Variants in GLI4 observed in about 807,000 individuals in gnomAD.
The protein encoded by GLI4 is zinc finger protein GLI4.
GLI4 carries 34 observed loss-of-function variants against 30.9 expected under a neutral mutation model. That is an observed-to-expected ratio of 1.10 (90% CI 0.84 to 1.47). The LOEUF (loss-of-function observed/expected upper bound fraction) is 1.47. Ranked by LOEUF, GLI4 falls within the 40% of genes most tolerant of loss-of-function variation. The pLI is 0.00. For synonymous variants in GLI4, 277 were observed against 236.7 expected, an observed-to-expected ratio of 1.17 and a Z score of -1.56; for missense variants, 696 against 538.9, an observed-to-expected ratio of 1.29 and a Z score of -2.89.
At chr8:143,269,589 C>G in intron 2 of GLI4, 69 bp downstream of exon 2, 1 of 1,324,234 alleles carries the variant, frequency 7.6e-7, no homozygotes, top group Non-Finnish European at 1.1e-6. Context: ...GCCCTGTCTC[C>G]TCCTGACCTG....
chr8:143,267,910 A>G (rs1186492678), intron 1 of GLI4: 4 of 985,254 alleles, frequency 4.1e-6, no homozygotes, highest in Non-Finnish European at 4.8e-6. Context: ...GGGGCTGGGA[A>G]CAGAGGGGCA....
intron 2 of GLI4, among the ~76,000 whole-genome samples, chr8:143,273,855 GGC>G (rs1815324196): frequency 8.7e-4 from 10 of 11,470 alleles, no homozygotes; most frequent in Non-Finnish European, 2.0e-3. Context: ...GCACCAGGGT[GGC>G]ACAGCACTGA....
At chr8:143,267,651 G>A (rs911369183) in intron 1 of GLI4, 167 bp downstream of exon 1, 10 of 985,300 alleles carry the variant, frequency 1.0e-5, no homozygotes, top group Non-Finnish European at 1.2e-5. Context: ...GAGCGGGGTG[G>A]GCTCCTGGGG....
chr8:143,276,618 C>T lies in GLI4; in HGVS notation c.945C>T (p.Arg315=). ...GCTCCGTGCTCATCGAGCACCAGCG[C>T]ATCCACACTGGCGAGAAGCCCTACG... ...IWSSVLIEHQ[R]IHTGEKPYEC... Residue 315 remains arginine (R), a synonymous_variant, in exon 4 of 4, where the codon CGC becomes CGT. Transcript: ENST00000340042. 3.1e-6 allele frequency: 5 copies of T among 1,612,580 alleles called. No individual in the cohort carries two copies. Among genetic ancestry groups the T allele is most frequent in the Non-Finnish European group, 4.2e-6 (5 of 1,179,690 alleles).
intron 1 of GLI4, 118 bp downstream of exon 1, chr8:143,267,602 C>T (rs914901801): frequency 2.8e-5 from 28 of 985,296 alleles, no homozygotes; most frequent in Non-Finnish European, 3.3e-5. Context: ...CCCTTGCAGC[C>T]GCCGCTCGCC....
At chr8:143,267,715 T>A in intron 1 of GLI4, 1 of 985,268 alleles carries the variant, frequency 1.0e-6, no homozygotes, top group Non-Finnish European at 1.2e-6. Context: ...ATAGCGGGTG[T>A]CCGTTCGCAG....
At chr8:143,269,964 C>T (rs1815229299) in intron 2 of GLI4, among the ~76,000 whole-genome samples, 1 of 152,246 alleles carries the variant, frequency 6.6e-6, no homozygotes, top group Non-Finnish European at 1.5e-5. Flanking sequence ...TGCTCCACCC[C>T]TGATGTTGTG....
intron 2 of GLI4, among the ~76,000 whole-genome samples, chr8:143,272,205 G>A (rs1337894286): frequency 6.6e-6 from 1 of 152,146 alleles, no homozygotes; most frequent in Admixed American, 6.5e-5. Context: ...GACCCCATGG[G>A]CAGGGCAGGG....
chr8:143,275,692 C>G, intron 3 of GLI4: 3 of 1,240,166 alleles, frequency 2.4e-6, no homozygotes, highest in Non-Finnish European at 3.0e-6. Flanking sequence ...CCCTGCAACG[C>G]CCCCCACCCC....
rs1815160396 is a variant in GLI4, at chr8:143,267,500, C to T, written c.-38+16C>T. Reference sequence around the variant, plus strand: ...CGCTCGGAAGGTGAGTGGGCGCGGGCGGCGGCGGCGGCTCCGGGTGCCTGG... The same window carrying T: ...CGCTCGGAAGGTGAGTGGGCGCGGGTGGCGGCGGCGGCTCCGGGTGCCTGG... On this transcript the variant is annotated intron_variant, in intron 1 of 3. Coordinates refer to ENST00000340042, the MANE Select transcript of GLI4 (RefSeq NM_138465.4). The T allele has an allele frequency of 1.6e-5, 16 of 980,834 alleles. No homozygotes were observed. The highest frequency in any genetic ancestry group is 1.8e-5 in the Non-Finnish European group (15 of 825,588). The allele number at this position is 980,834 out of a possible 1,614,324, so 60.8% of individuals were successfully genotyped here.
Position 143,276,798 on chromosome 8 carries a change from C to G in GLI4, c.1125C>G (p.Arg375=). 1 of 1,560,508 alleles carries G rather than the reference C, an allele frequency of 6.4e-7. No homozygotes were observed. Among genetic ancestry groups the G allele is most frequent in the South Asian group, 1.2e-5 (1 of 85,710 alleles). ...QLIQHQRVHY[R]E ...TCCAGCACCAGCGGGTGCACTACCG[C>G]GAGTAGCCGGGCGGGGGCTCGGGGC... The change falls in exon 4 of 4, where the codon CGC becomes CGG. Residue 375 remains arginine, a synonymous_variant. Coordinates refer to ENST00000340042, the MANE Select transcript of GLI4 (RefSeq NM_138465.4).
In GLI4 at chr8:143,276,599, T is replaced by C. The variant is rs1358351539; in HGVS notation, c.926T>C (p.Val309Ala). ...GGCAAGGCCTTCATCTGGAGCTCCG[T>C]GCTCATCGAGCACCAGCGCATCCAC... ...QCGKAFIWSSVLIEHQRIHTG... is the reference protein window; with the variant it reads ...QCGKAFIWSSALIEHQRIHTG... The change falls in exon 4 of 4, where the codon GTG becomes GCG. Residue 309 changes from valine to alanine, a missense_variant. Physicochemically the swap from Val to Ala is moderately conservative, Grantham distance 64. Coordinates refer to ENST00000340042, the MANE Select transcript of GLI4 (RefSeq NM_138465.4). 1.2e-6 allele frequency: 2 copies of C among 1,610,222 alleles called. No homozygotes were observed. Among genetic ancestry groups the C allele is most frequent in the Non-Finnish European group, 8.5e-7 (1 of 1,179,082 alleles).
Position 143,276,058 on chromosome 8 carries a change from C to T in GLI4, c.385C>T (p.Gln129Ter). The change falls in exon 4 of 4, where the codon CAG (glutamine) becomes TAG (stop). Residue 129 changes from glutamine to a stop codon, truncating the protein, a stop_gained. Coordinates refer to ENST00000340042, the MANE Select transcript of GLI4 (RefSeq NM_138465.4). LOFTEE classifies it high-confidence loss of function. ...PESSAERPAG[Q>*]PPGAVPCAQP... ...ATCCAGCGCGGAGCGGCCGGCGGGC[C>T]AGCCGCCTGGGGCCGTCCCTTGCGC... The T allele has an allele frequency of 7.3e-7, 1 of 1,362,476 alleles. No homozygotes were observed. The highest frequency in any genetic ancestry group is 9.4e-7 in the Non-Finnish European group (1 of 1,064,318). 84.4% of individuals were successfully genotyped at this position (1,362,476 alleles called of 1,614,324 possible).
intron 1 of GLI4, 96 bp downstream of exon 1, chr8:143,267,580 C>T (rs1279711346): frequency 1.0e-6 from 1 of 985,380 alleles, no homozygotes; most frequent in Non-Finnish European, 1.2e-6. Context: ...CCTGCCCAGC[C>T]GGGCCGTGCG....
In GLI4 at chr8:143,276,540, C is replaced by G; in HGVS notation, c.867C>G (p.His289Gln). Residue 289 changes from histidine (H) to glutamine (Q), a missense_variant, in exon 4 of 4, where the codon CAC becomes CAG. Coordinates refer to ENST00000340042, the MANE Select transcript of GLI4 (RefSeq NM_138465.4). ...SSNLVRHQRL[H>Q]TGEKPYACSQ... is the part of the protein sequence containing the mutation. ...ACCTGGTGCGCCACCAGCGGCTGCA[C>G]ACGGGTGAGAAGCCCTACGCCTGCA... The G allele has an allele frequency of 6.2e-7, 1 of 1,612,710 alleles. No individual in the cohort carries two copies. The highest frequency in any genetic ancestry group is 1.1e-5 in the South Asian group (1 of 91,064).
At chr8:143,268,970 A>G (rs968978818) in intron 1 of GLI4, among the ~76,000 whole-genome samples, 11 of 151,844 alleles carry the variant, frequency 7.2e-5, no homozygotes. Flanking sequence ...CAGCTTCCCA[A>G]GTAGCTGGGA....
At chr8:143,275,235 C>T (rs1423478938) in intron 3 of GLI4, 3 of 1,530,088 alleles carry the variant, frequency 2.0e-6, no homozygotes, top group Non-Finnish European at 2.6e-6. Context: ...GTCCAGGTCC[C>T]CTGCACCTCC....
chr8:143,274,141 C>T (rs968791654), intron 2 of GLI4, among the ~76,000 whole-genome samples: 4 of 152,158 alleles, frequency 2.6e-5, no homozygotes, highest in Non-Finnish European at 5.9e-5. Context: ...CCAGCCCATT[C>T]CTCAGGCTCT....
chr8:143,268,717 G>A (rs749147335), intron 1 of GLI4, among the ~76,000 whole-genome samples: 5 of 152,280 alleles, frequency 3.3e-5, no homozygotes, highest in Non-Finnish European at 7.3e-5. Flanking sequence ...GATGCCACGG[G>A]CTGGAAGGAG....
Sources: allele counts gnomAD v4.1 joint callset (sites outside exome capture counted in the v4.1 genomes callset), GRCh38; gene constraint gnomAD v4.1.1; transcripts MANE v1.5; gene names NCBI Gene and HGNC (gene_info 2026-07-23, HGNC 2026-07-21).